IKBKB: variants seen among roughly 807,000 people sequenced by gnomAD.
IKBKB encodes inhibitor of nuclear factor kappa-B kinase subunit beta.
A neutral mutation model predicts 113.6 loss-of-function variants in IKBKB; 42 were observed. The observed-to-expected ratio is 0.37, with a 90% confidence interval of 0.29 to 0.48. IKBKB has a LOEUF of 0.48. Ranked by LOEUF, IKBKB falls within the 20% of genes least tolerant of loss-of-function variation. The pLI, the probability that IKBKB is intolerant of heterozygous loss-of-function variation, is 0.99. For missense variants in IKBKB, 673 were observed against 939.7 expected, an observed-to-expected ratio of 0.72 and a Z score of 3.71; for synonymous variants, 296 against 361.3, an observed-to-expected ratio of 0.82 and a Z score of 2.05.
chr8:42,329,240 G>T (rs543463506), intron 21 of IKBKB, 26 bp downstream of exon 21: 6 of 1,540,640 alleles, frequency 3.9e-6, no homozygotes, highest in African/African-American at 1.4e-5. Context: ...AGACTCCTGC[G>T]ATTCCATGTC....
intron 20 of IKBKB, among the ~76,000 whole-genome samples, chr8:42,326,900 T>C (rs1167851135): frequency 6.6e-6 from 1 of 152,096 alleles, no homozygotes; most frequent in East Asian, 1.9e-4. Flanking sequence ...TGTGCAGGGC[T>C]CTATGGGTTC....
chr8:42,290,474 G>A (rs1391699647), intron 4 of IKBKB, among the ~76,000 whole-genome samples: 3 of 152,136 alleles, frequency 2.0e-5, no homozygotes, highest in Non-Finnish European at 4.4e-5. Flanking sequence ...AGGCGCTTCC[G>A]AGAACACCAG....
At chr8:42,271,817 G>C in intron 1 of IKBKB, 1 of 542,582 alleles carries the variant, frequency 1.8e-6, no homozygotes, top group Non-Finnish European at 3.2e-6. Flanking sequence ...CCCCTCGCTA[G>C]GGCAAGGGCG....
At chr8:42,281,742 A>T (rs537708970) in intron 2 of IKBKB, among the ~76,000 whole-genome samples, 1 of 152,246 alleles carries the variant, frequency 6.6e-6, no homozygotes, top group South Asian at 2.1e-4. Context: ...TGAAGCATTC[A>T]TTTCAGGGGG....
chr8:42,306,741 T>TC (rs1816615717), intron 7 of IKBKB, among the ~76,000 whole-genome samples: 1 of 152,222 alleles, frequency 6.6e-6, no homozygotes, highest in Non-Finnish European at 1.5e-5. Context: ...CATGCTGGTC[T>TC]TGAGCGGTCC....
chr8:42,310,705 T>C (rs1817545182), intron 8 of IKBKB, among the ~76,000 whole-genome samples: 1 of 152,230 alleles, frequency 6.6e-6, no homozygotes, highest in Non-Finnish European at 1.5e-5. Context: ...AGGAATCAAC[T>C]GTCATCCCAT....
At chr8:42,297,720 C>A (rs962062961) in intron 5 of IKBKB, among the ~76,000 whole-genome samples, 1 of 152,100 alleles carries the variant, frequency 6.6e-6, no homozygotes, top group Admixed American at 6.5e-5. Context: ...CATGGTGAAA[C>A]CCCATCTCTA....
In IKBKB at chr8:42,316,738, G is replaced by T. The variant is rs1482001728; in HGVS notation, c.959G>T (p.Gly320Val). Residue 320 changes from glycine (G) to valine (V), a missense_variant, in exon 11 of 22, where the codon GGC becomes GTC. By Grantham distance (109) the Gly-to-Val change is moderately radical. Coordinates refer to ENST00000520810, the MANE Select transcript of IKBKB (RefSeq NM_001556.3). This position sits in a 1 kb window ranked among gnomAD's most constrained non-coding sequence, Gnocchi z 4.5. ...GTTCATATCTTGAACATGGTCACGG[G>T]CACCATCCACACCTACCCTGTGACA... is the stretch of plus-strand genomic sequence containing the variant. ...KLVHILNMVT[G>V]TIHTYPVTED... 1.2e-6 allele frequency: 2 copies of T among 1,613,528 alleles called. No homozygotes were observed. The highest frequency in any genetic ancestry group is 1.1e-5 in the South Asian group (1 of 91,048).
intron 2 of IKBKB, among the ~76,000 whole-genome samples, chr8:42,275,947 T>C (rs1457871400): frequency 6.6e-6 from 1 of 152,068 alleles, no homozygotes; most frequent in Non-Finnish European, 1.5e-5. Context: ...GATCAAGCAG[T>C]TCTCCTGCTT....
chr8:42,282,445 G>A (rs1029764691), intron 2 of IKBKB, among the ~76,000 whole-genome samples: 3 of 152,166 alleles, frequency 2.0e-5, no homozygotes, highest in African/African-American at 4.8e-5. Context: ...GGGCTCTAGC[G>A]ATCTACCTGC....
intron 8 of IKBKB, among the ~76,000 whole-genome samples, chr8:42,312,291 AG>A (rs1817862875): frequency 6.6e-6 from 1 of 152,252 alleles, no homozygotes; most frequent in Admixed American, 6.5e-5. Context: ...CTAGAAGAAC[AG>A]GTGCTTTTTG....
intron 5 of IKBKB, among the ~76,000 whole-genome samples, chr8:42,304,030 TA>T (rs1563333424): frequency 6.6e-6 from 1 of 152,260 alleles, no homozygotes; most frequent in East Asian, 1.9e-4. Flanking sequence ...CTCTTTTTGC[TA>T]CATGTATCCC....
At position 42,272,129 on chromosome 8, in the gene IKBKB, A is replaced by C. The variant is rs1159923087; in HGVS notation, c.29A>C (p.Gln10Pro). 6.2e-7 allele frequency: 1 copy of C among 1,614,174 alleles called. No individual in the cohort carries two copies. ...AGCTGGTCACCTTCCCTGACAACGC[A>C]GACATGTGGGGCCTGGGAAATGAAA... MSWSPSLTT[Q>P]TCGAWEMKER... The change falls in exon 2 of 22, where the codon CAG (glutamine) becomes CCG (proline). Residue 10 changes from glutamine to proline, a missense_variant. By Grantham distance (76) the Gln-to-Pro change is moderately conservative (BLOSUM62 -1). This residue lies in a region of IKBKB where 167 missense variants were observed against 301.0 expected (regional missense o/e 0.55). Transcript: ENST00000520810.
intron 2 of IKBKB, among the ~76,000 whole-genome samples, chr8:42,277,520 TTCC>T (rs1809428673): frequency 6.6e-6 from 1 of 152,130 alleles, no homozygotes. Flanking sequence ...AAAAGCCAGC[TTCC>T]TCCTCCTGCC....
intron 11 of IKBKB, 147 bp from the exon 12 acceptor site, chr8:42,317,510 G>A (rs1024957731): frequency 2.0e-5 from 13 of 636,730 alleles, no homozygotes; most frequent in Admixed American, 2.6e-5. Flanking sequence ...GGCTGGAAAC[G>A]TTAAACACTT....
At chr8:42,314,085 A>G (rs1490375976) in intron 8 of IKBKB, 1 of 516,018 alleles carries the variant, frequency 1.9e-6, no homozygotes, top group East Asian at 3.4e-5. Flanking sequence ...GTTTAGATAC[A>G]CCAATACTTA....
At chr8:42,295,608 C>A (rs1473151535) in intron 5 of IKBKB, among the ~76,000 whole-genome samples, 1 of 152,120 alleles carries the variant, frequency 6.6e-6, no homozygotes, top group East Asian at 1.9e-4. Flanking sequence ...GCCTGTAATC[C>A]CAGCTACTCG....
At chr8:42,309,166 C>A in intron 8 of IKBKB, 141 bp downstream of exon 8, 1 of 913,798 alleles carries the variant, frequency 1.1e-6, no homozygotes, top group Non-Finnish European at 1.7e-6. Flanking sequence ...CTGTCAGGAC[C>A]TAGCACGAGT....
intron 2 of IKBKB, among the ~76,000 whole-genome samples, chr8:42,286,733 C>G (rs926739264): frequency 6.6e-6 from 1 of 152,166 alleles, no homozygotes; most frequent in Non-Finnish European, 1.5e-5. Context: ...TGCTCACTTA[C>G]AAGATTTATG....
Sources: gnomAD v4.1 joint callset for allele counts (sites outside exome capture counted in the v4.1 genomes callset) on GRCh38, gnomAD v4.1.1 for gene constraint, gnomAD v4.1.1 regional missense constraint, Gnocchi (gnomAD v3.1) non-coding constraint, MANE v1.5 for transcripts, NCBI Gene and HGNC (gene_info 2026-07-23, HGNC 2026-07-21) for gene names.